The following PALS1 variants were observed in gnomAD, a reference collection of about 807,000 sequenced individuals.
PALS1 encodes protein associated with LIN7 1, MAGUK p55 family member.
A neutral mutation model predicts 78.9 loss-of-function variants in PALS1; 31 were observed. That is an observed-to-expected ratio of 0.39 (90% CI 0.30 to 0.53). The LOEUF (loss-of-function observed/expected upper bound fraction) is 0.53, where lower values mean the gene tolerates loss of function less well. Among genes scored for constraint, PALS1 ranks in the 20% least tolerant of loss-of-function variants. The pLI is 0.67. For synonymous variants in PALS1, 276 were observed against 270.9 expected (o/e 1.02, Z -0.18); for missense variants, 704 against 826.5 (o/e 0.85, Z 1.82).
chr14:67,279,211 C>A lies in PALS1; in HGVS notation c.41C>A (p.Ser14Ter). Residue 14 changes from serine to a stop codon, truncating the protein, a stop_gained, in exon 3 of 15, where the codon TCA becomes TAA. Coordinates refer to ENST00000261681, the MANE Select transcript of PALS1 (RefSeq NM_022474.4). LOFTEE classifies it high-confidence loss of function. ...ATGAATGGGCATGTTACAGAGGAAT[C>A]AGACAGCGAAGTAAAAAATGTTGAT... ...SHMNGHVTEE[S>*]DSEVKNVDLA... is the part of the protein sequence containing the mutation. 1 of 1,610,736 alleles carries A rather than the reference C, an allele frequency of 6.2e-7. No individual in the cohort carries two copies. The highest frequency in any genetic ancestry group is 1.1e-5 in the South Asian group (1 of 90,692).
At chr14:67,286,871 A>AG (rs1424849896) in intron 3 of PALS1, among the ~76,000 whole-genome samples, 10 of 151,172 alleles carry the variant, frequency 6.6e-5, no homozygotes, top group African/African-American at 2.2e-4. Context: ...AAAAAAAAAA[A>AG]AAAGAAAAAA....
intron 1 of PALS1, chr14:67,242,000 A>G (rs113422665): frequency 1.9e-3 from 291 of 152,278 alleles, no homozygotes; most frequent in African/African-American, 6.3e-3. Flanking sequence ...TCTGCTGCTC[A>G]TTGCGTTCTT....
chr14:67,276,581 A>C (rs1205817203), intron 2 of PALS1, among the ~76,000 whole-genome samples: 4 of 152,182 alleles, frequency 2.6e-5, no homozygotes, highest in Non-Finnish European at 4.4e-5. Flanking sequence ...CTGGAGCTAT[A>C]AAAGTAAGAC....
At chr14:67,247,724 A>G (rs1183726646) in intron 1 of PALS1, among the ~76,000 whole-genome samples, 1 of 152,022 alleles carries the variant, frequency 6.6e-6, no homozygotes, top group Non-Finnish European at 1.5e-5. Context: ...ACCTACTGCA[A>G]GTGCCACTAT....
At chr14:67,248,318 T>C (rs186491481) in intron 1 of PALS1, among the ~76,000 whole-genome samples, 1 of 152,038 alleles carries the variant, frequency 6.6e-6, no homozygotes, top group Admixed American at 6.6e-5. Flanking sequence ...CCCAGGAGTT[T>C]GAGTCCAGCT....
At chr14:67,329,614 T>C (rs1222484722) in intron 14 of PALS1, among the ~76,000 whole-genome samples, 1 of 152,092 alleles carries the variant, frequency 6.6e-6, no homozygotes, top group Non-Finnish European at 1.5e-5. Context: ...GGCTGTGGGT[T>C]TGTCATAAAT....
intron 1 of PALS1, among the ~76,000 whole-genome samples, chr14:67,256,257 T>A (rs1231131304): frequency 6.6e-6 from 1 of 152,196 alleles, no homozygotes; most frequent in African/African-American, 2.4e-5. Context: ...ATCTTCTATG[T>A]ATATTTGTAA....
intron 1 of PALS1, among the ~76,000 whole-genome samples, chr14:67,251,781 T>C (rs1290419256): frequency 6.6e-6 from 1 of 152,178 alleles, no homozygotes; most frequent in Non-Finnish European, 1.5e-5. Context: ...GATAAGAGCA[T>C]CTTTTGTTTC....
At chr14:67,324,069 T>C (rs981612534) in intron 14 of PALS1, among the ~76,000 whole-genome samples, 1 of 152,216 alleles carries the variant, frequency 6.6e-6, no homozygotes, top group African/African-American at 2.4e-5. Context: ...GAGATGTGAC[T>C]GCCACCAAAG....
At chr14:67,315,402 G>A (rs1391435163) in intron 9 of PALS1, among the ~76,000 whole-genome samples, 2 of 149,616 alleles carry the variant, frequency 1.3e-5, no homozygotes, top group Non-Finnish European at 3.0e-5. Context: ...TCAGTCTGCT[G>A]AGCAGCTGGG....
At chr14:67,290,366 C>G (rs2084754489) in intron 3 of PALS1, among the ~76,000 whole-genome samples, 1 of 152,110 alleles carries the variant, frequency 6.6e-6, no homozygotes, top group Non-Finnish European at 1.5e-5. Flanking sequence ...AAGACAGACT[C>G]TGATATGTGT....
At chr14:67,291,362 G>T (rs888188103) in intron 3 of PALS1, among the ~76,000 whole-genome samples, 1 of 152,018 alleles carries the variant, frequency 6.6e-6, no homozygotes, top group African/African-American at 2.4e-5. Context: ...CGAGTAGCTG[G>T]GATTACAGGC....
At chr14:67,246,842 G>A (rs566241965) in intron 1 of PALS1, among the ~76,000 whole-genome samples, 58 of 152,116 alleles carry the variant, frequency 3.8e-4, no homozygotes, top group African/African-American at 1.3e-3. Context: ...AGTAGAGGCG[G>A]GGTTTCACCG....
intron 2 of PALS1, chr14:67,270,191 A>G (rs2084387521): frequency 6.6e-6 from 1 of 152,002 alleles, no homozygotes; most frequent in African/African-American, 2.4e-5. Context: ...AGTCTCAATC[A>G]TTTGCACTTG....
intron 3 of PALS1, among the ~76,000 whole-genome samples, chr14:67,286,307 T>C (rs1379948170): frequency 6.6e-6 from 1 of 152,196 alleles, no homozygotes; most frequent in Non-Finnish European, 1.5e-5. Flanking sequence ...TTCCTTCTTG[T>C]GTCTGTTGTC....
chr14:67,262,894 A>G (rs533418729), intron 1 of PALS1, among the ~76,000 whole-genome samples: 3 of 152,262 alleles, frequency 2.0e-5, no homozygotes, highest in African/African-American at 7.2e-5. Context: ...TTTAAACCAC[A>G]TGTTTAAAAA....
chr14:67,269,890 A>T (rs1399569805), intron 2 of PALS1, 107 bp downstream of exon 2: 4 of 152,400 alleles, frequency 2.6e-5, no homozygotes, highest in Non-Finnish European at 5.9e-5. Flanking sequence ...AATGCTGATC[A>T]CTTAAAATGA....
rs189949268 is a variant in PALS1 at position 67,327,859 on chromosome 14, G to A, written c.1851+4047G>A. Among the ~76,000 whole-genome samples, 680 of 152,282 alleles carry A rather than the reference G, an allele frequency of 4.5e-3. 2 individuals carry two copies. Among genetic ancestry groups the A allele is most frequent in the Non-Finnish European group, 6.8e-3 (462 of 68,020 alleles). On this transcript the variant is annotated intron_variant, in intron 14 of 14. Transcript: ENST00000261681. ...CTGCATAGTATTCCATGGTGTATATGTGCCACATTTTCTTAATCCAGTCTA... is the reference window on the plus strand; with the variant it reads ...CTGCATAGTATTCCATGGTGTATATATGCCACATTTTCTTAATCCAGTCTA...
chr14:67,311,878 T>A (rs749792424), intron 8 of PALS1: 4 of 152,540 alleles, frequency 2.6e-5, no homozygotes, highest in Admixed American at 6.5e-5. Context: ...GATAGTGTGC[T>A]TGTTTCATGA....
Sources: gnomAD v4.1 joint callset for allele counts (sites outside exome capture counted in the v4.1 genomes callset) on GRCh38, gnomAD v4.1.1 for gene constraint, MANE v1.5 for transcripts, NCBI Gene and HGNC (gene_info 2026-07-23, HGNC 2026-07-21) for gene names.